The following PUDP variants were observed in gnomAD, a reference collection of about 807,000 sequenced individuals.
PUDP encodes the protein pseudouridine 5'-phosphatase, also known as pseudouridine-5'-phosphatase.
PUDP carries 8 observed loss-of-function variants against 9.4 expected under a neutral mutation model. The ratio of observed to expected loss-of-function variants is 0.85; its 90% CI spans 0.50 to 1.53. The LOEUF is 1.53. Among genes scored for constraint, PUDP ranks in the 40% most tolerant of loss-of-function variants. The pLI is 0.00. For synonymous variants in PUDP, 99 were observed against 80.7 expected, an observed-to-expected ratio of 1.23 and a Z score of -1.22; for missense variants, 188 against 189.7, an observed-to-expected ratio of 0.99 and a Z score of 0.05.
At chrX:6,849,727 G>A (rs774063355) in intron 3 of PUDP, among the ~76,000 whole-genome samples, 9 of 111,859 alleles carry the variant, frequency 8.0e-5, no homozygotes, top group Middle Eastern at 4.6e-3. Context: ...AATCTACTAT[G>A]AACCTACCAT....
Position 6,874,146 on chromosome X carries a change from G to T in PUDP, c.*247+102987C>A, listed in dbSNP as rs769312545. ...GAGACCCCATCTCTTAAAAAAAAAAGAAAGAAAGGATTTTTTTTTCCAACC... is the reference window on the plus strand; with the variant it reads ...GAGACCCCATCTCTTAAAAAAAAAATAAAGAAAGGATTTTTTTTTCCAACC... On this transcript the variant is annotated intron_variant and NMD_transcript_variant, in intron 3 of 3. Coordinates refer to the PUDP transcript ENST00000655425. Among the ~76,000 whole-genome samples the T allele has an allele frequency of 4.6e-5, 5 of 108,086 alleles. No individual in the cohort carries two copies. The South Asian group carries it at 2.0e-3, about 44-fold the overall frequency. The allele number at this position is 108,086 out of a possible 115,157, so 93.9% of individuals were successfully genotyped here. A position where few individuals can be genotyped will look rare whatever the true frequency, so the allele number is the denominator to read the frequency against.
chrX:6,887,826 G>A (rs924584892), intron 3 of PUDP, among the ~76,000 whole-genome samples: 2 of 111,697 alleles, frequency 1.8e-5, no homozygotes, highest in African/African-American at 6.5e-5. Flanking sequence ...TCAGCTTTCT[G>A]CCAAATTTGA....
In PUDP at chrX:6,717,032, G is replaced by A. The variant is rs185873981; in HGVS notation, n.128+4385C>T. 3.3e-3 allele frequency among the ~76,000 whole-genome samples: 374 copies of A among 111,661 alleles called. 3 individuals carry two copies. Among genetic ancestry groups the A allele is most frequent in the African/African-American group, 0.012 (360 of 30,773 alleles). ...AATCCTTCTACCTTGGCCTCCCAAA[G>A]TGCTGGGACCATGGGCATGAGCCAC... On this transcript the variant is annotated intron_variant and non_coding_transcript_variant, in intron 1 of 2. Transcript: ENST00000438499.
Position 6,720,287 on chromosome X carries a change from TAC to T in PUDP, n.128+1128_128+1129del, listed in dbSNP as rs1555907538. ...ATATATATATATATATATATATATA[TAC>T]ACACACACACATAAATATGAATAGT... is the stretch of plus-strand genomic sequence containing the variant. On this transcript the variant is annotated intron_variant and non_coding_transcript_variant, in intron 1 of 2. Transcript: ENST00000438499. 1.2e-3 allele frequency among the ~76,000 whole-genome samples: 97 copies of T among 83,107 alleles called. 2 individuals carry two copies. Among genetic ancestry groups the T allele is most frequent in the African/African-American group, 3.2e-3 (63 of 19,828 alleles). 72.2% of individuals were successfully genotyped at this position (83,107 alleles called of 115,157 possible).
intron 3 of PUDP, among the ~76,000 whole-genome samples, chrX:6,797,733 C>G (rs770027516): frequency 8.9e-6 from 1 of 112,099 alleles, no homozygotes; most frequent in Admixed American, 9.5e-5. Flanking sequence ...AAATACCAAG[C>G]TCAGCCACTC....
At chrX:6,772,912 A>G (rs1251799537) in intron 3 of PUDP, among the ~76,000 whole-genome samples, 1 of 112,120 alleles carries the variant, frequency 8.9e-6, no homozygotes, top group Non-Finnish European at 1.9e-5. Flanking sequence ...AGACAAAAAA[A>G]GACAAGTCTG....
At chrX:6,923,022 T>C (rs757518364) in intron 3 of PUDP, among the ~76,000 whole-genome samples, 24 of 111,887 alleles carry the variant, frequency 2.1e-4, no homozygotes, top group Admixed American at 4.7e-4. Context: ...CCCACCACCA[T>C]AGTTCTCAAA....
chrX:6,751,028 G>C (rs1370621567), intron 3 of PUDP, among the ~76,000 whole-genome samples: 6 of 110,109 alleles, frequency 5.4e-5, no homozygotes, highest in Middle Eastern at 4.2e-3. Context: ...TGTAGTCCCA[G>C]CTACTCGGGA....
intron 3 of PUDP, among the ~76,000 whole-genome samples, chrX:6,818,008 G>A (rs1415121542): frequency 8.9e-6 from 1 of 111,767 alleles, no homozygotes; most frequent in Non-Finnish European, 1.9e-5. Context: ...AGTGTGTGTC[G>A]CTATTTCCAC....
At chrX:6,748,845 C>T (rs1925031302) in intron 3 of PUDP, among the ~76,000 whole-genome samples, 2 of 111,795 alleles carry the variant, frequency 1.8e-5, no homozygotes, top group South Asian at 7.5e-4. Flanking sequence ...AATGGATGTG[C>T]TAAAATTGGA....
intron 3 of PUDP, among the ~76,000 whole-genome samples, chrX:6,908,621 A>T (rs1302236082): frequency 1.8e-5 from 2 of 111,740 alleles, no homozygotes; most frequent in East Asian, 5.7e-4. Context: ...TATGACAATA[A>T]GGGAAGCTCG....
chrX:7,128,223 G>A (rs1364621222), intron 1 of PUDP, among the ~76,000 whole-genome samples: 13 of 110,669 alleles, frequency 1.2e-4, no homozygotes, highest in African/African-American at 4.3e-4. Context: ...TGTATTTTTT[G>A]TAGAGACAGG....
intron 3 of PUDP, among the ~76,000 whole-genome samples, chrX:6,975,950 C>T (rs1427628540): frequency 1.8e-5 from 2 of 112,226 alleles, no homozygotes; most frequent in East Asian, 2.8e-4. Flanking sequence ...AGCTTTGCAG[C>T]CAGTGAGCTC....
intron 1 of PUDP, among the ~76,000 whole-genome samples, chrX:7,018,643 T>C (rs965597470): frequency 3.6e-5 from 4 of 112,578 alleles, no homozygotes; most frequent in African/African-American, 6.5e-5. Flanking sequence ...TCCTTTGAGA[T>C]TGTATTTATT....
At chrX:6,816,748 C>CTATATA (rs1569105021) in intron 3 of PUDP, among the ~76,000 whole-genome samples, 12 of 92,636 alleles carry the variant, frequency 1.3e-4, no homozygotes, top group African/African-American at 4.4e-4. Context: ...ATAGTATATA[C>CTATATA]GATATAGTAT....
In PUDP at chrX:6,759,908, C is replaced by CAACAGTCTGT. The variant is rs749478229; in HGVS notation, c.*248-53443_*248-53442insACAGACTGTT. 5.3e-5 allele frequency among the ~76,000 whole-genome samples: 6 copies of CAACAGTCTGT among 112,281 alleles called. No homozygotes were observed. In the Admixed American group the frequency reaches 5.6e-4, roughly 11 times the overall value. ...TGGAGCAGTGCTCGCTAGCAGTCTG[C>CAACAGTCTGT]ATGCCCTCGATATCATGGCACCCTA... On this transcript the variant is annotated intron_variant and NMD_transcript_variant, in intron 3 of 3. Coordinates refer to the PUDP transcript ENST00000655425.
chrX:7,010,215 T>C (rs1929458365), intron 1 of PUDP, among the ~76,000 whole-genome samples: 1 of 111,830 alleles, frequency 8.9e-6, no homozygotes, highest in African/African-American at 3.3e-5. Context: ...AATCCATCCC[T>C]GTTTCATGAA....
At chrX:6,791,147 G>A (rs1445593170) in intron 3 of PUDP, among the ~76,000 whole-genome samples, 2 of 109,935 alleles carry the variant, frequency 1.8e-5, no homozygotes, top group Non-Finnish European at 3.8e-5. Context: ...CTTGTTTCCA[G>A]GAGTTCAAGA....
intron 2 of PUDP, among the ~76,000 whole-genome samples, chrX:7,102,553 G>A (rs1414671024): frequency 9.1e-6 from 1 of 110,348 alleles, no homozygotes; most frequent in Non-Finnish European, 1.9e-5. Context: ...GTCACTACTA[G>A]ACAGTATAAT....
Sources: gnomAD v4.1 joint callset for allele counts (sites outside exome capture counted in the v4.1 genomes callset) on GRCh38, gnomAD v4.1.1 for gene constraint, MANE v1.5 for transcripts, NCBI Gene and HGNC (gene_info 2026-07-23, HGNC 2026-07-21) for gene names.